Variants in BCL2 observed in about 807,000 individuals in gnomAD.
The protein encoded by BCL2 is BCL2 apoptosis regulator.
A neutral mutation model predicts 14.2 loss-of-function variants in BCL2; 1 was observed. The observed-to-expected ratio is 0.07, with a 90% confidence interval of 0.02 to 0.33. The LOEUF (loss-of-function observed/expected upper bound fraction) is 0.33. Ranked by LOEUF, BCL2 falls within the 10% of genes least tolerant of loss-of-function variation. BCL2 has a pLI of 0.99. For synonymous variants in BCL2, 151 were observed against 137.2 expected (o/e 1.10, Z -0.70); for missense variants, 247 against 305.9 (o/e 0.81, Z 1.44).
At chr18:63,217,217 C>A (rs1216881126) in intron 2 of BCL2, among the ~76,000 whole-genome samples, 1 of 152,196 alleles carries the variant, frequency 6.6e-6, no homozygotes. Flanking sequence ...CTAAACACCA[C>A]GTCATCATGA....
rs527761220 is a variant in BCL2 at position 63,257,983 on chromosome 18, T to C, written c.585+60099A>G. Among the ~76,000 whole-genome samples, 57 of 152,334 alleles carry C rather than the reference T, an allele frequency of 3.7e-4. 1 individual carries two copies. The South Asian group carries it at 9.1e-3, about 24-fold the overall frequency. On this transcript the variant is annotated intron_variant, in intron 2 of 2. Transcript: ENST00000333681. Reference sequence around the variant, plus strand: ...TGTTCAAGTCCCCAGTACCTGTAAATGTGACTTAATTTGGAAACACGGTCT... The same window carrying C: ...TGTTCAAGTCCCCAGTACCTGTAAACGTGACTTAATTTGGAAACACGGTCT...
rs1912881910 is a variant in BCL2 at position 63,299,085 on chromosome 18, T to C, written c.585+18997A>G. Among the ~76,000 whole-genome samples the C allele has an allele frequency of 2.0e-5, 3 of 152,304 alleles. 1 individual carries two copies. The highest frequency in any genetic ancestry group is 4.1e-4 in the South Asian group (2 of 4,822). On this transcript the variant is annotated intron_variant, in intron 2 of 2. Coordinates refer to ENST00000333681, the MANE Select transcript of BCL2 (RefSeq NM_000633.3). Reference sequence around the variant, plus strand: ...TAAAAACACCACCACCTCCCAGTACTGTTGTAAGAAAGAAATACACGAATA... The same window carrying C: ...TAAAAACACCACCACCTCCCAGTACCGTTGTAAGAAAGAAATACACGAATA...
At chr18:63,294,319 T>C (rs747238454) in intron 2 of BCL2, among the ~76,000 whole-genome samples, 17 of 152,170 alleles carry the variant, frequency 1.1e-4, no homozygotes, top group Non-Finnish European at 2.1e-4. Context: ...TATCTCAAGA[T>C]CCAATAGCTT....
chr18:63,196,363 C>A (rs1410739855), intron 2 of BCL2, among the ~76,000 whole-genome samples: 1 of 152,084 alleles, frequency 6.6e-6, no homozygotes, highest in Non-Finnish European at 1.5e-5. Flanking sequence ...TGTGCAGGCT[C>A]TGAAATGAGA....
At chr18:63,140,489 C>T (rs971946350) in intron 2 of BCL2, among the ~76,000 whole-genome samples, 3 of 152,212 alleles carry the variant, frequency 2.0e-5, no homozygotes, top group African/African-American at 7.2e-5. Flanking sequence ...AGCATTGACA[C>T]ATGCAACAAC....
Position 63,318,003 on chromosome 18 carries a change from C to G in BCL2, c.585+79G>C. ...CCGGCTCCACAGCCTCCCATTGCCC[C>G]AGGAGCCCACCCGCACTCCAACCCC... On this transcript the variant is annotated intron_variant, in intron 2 of 2. Coordinates refer to ENST00000333681, the MANE Select transcript of BCL2 (RefSeq NM_000633.3). The surrounding 1 kb of genome is among the most constrained non-coding windows in gnomAD (Gnocchi z 7.4). 6.5e-7 allele frequency: 1 copy of G among 1,545,622 alleles called. No individual in the cohort carries two copies. Among genetic ancestry groups the G allele is most frequent in the Non-Finnish European group, 8.8e-7 (1 of 1,141,780 alleles).
chr18:63,221,490 T>G (rs918279426), intron 2 of BCL2, among the ~76,000 whole-genome samples: 2 of 152,136 alleles, frequency 1.3e-5, no homozygotes, highest in East Asian at 3.9e-4. Flanking sequence ...GAAATAAAGA[T>G]AAAATTGAAG....
rs1374811943 is a variant in BCL2, at chr18:63,126,605, C to T, written c.*2020G>A. 5 of 228,946 alleles carry T rather than the reference C, an allele frequency of 2.2e-5. No homozygotes were observed. 14.2% of individuals were successfully genotyped at this position (228,946 alleles called of 1,614,324 possible). On this transcript the variant is annotated 3_prime_UTR_variant, in exon 3 of 3. Coordinates refer to ENST00000333681, the MANE Select transcript of BCL2 (RefSeq NM_000633.3). ...TCTGTTGACGTGGAAATGCACATGA[C>T]TTGGTTGAAACAAAGCTCCTCAGTG...
chr18:63,220,976 T>C (rs1253010126), intron 2 of BCL2, among the ~76,000 whole-genome samples: 1 of 152,160 alleles, frequency 6.6e-6, no homozygotes, highest in African/African-American at 2.4e-5. Flanking sequence ...AAATGGTATA[T>C]GTGGCTTTTC....
intron 2 of BCL2, among the ~76,000 whole-genome samples, chr18:63,218,891 A>G (rs1156905656): frequency 6.7e-6 from 1 of 150,042 alleles, no homozygotes; most frequent in Non-Finnish European, 1.5e-5. Flanking sequence ...TCAACTGCCA[A>G]TTCTGAATCT....
chr18:63,232,010 C>G (rs1392514406), intron 2 of BCL2, among the ~76,000 whole-genome samples: 1 of 151,842 alleles, frequency 6.6e-6, no homozygotes, highest in Non-Finnish European at 1.5e-5. Context: ...ATAGAGAGAG[C>G]CCCACACATG....
chr18:63,224,111 C>CAATA (rs1296462583), intron 2 of BCL2, among the ~76,000 whole-genome samples: 1 of 151,774 alleles, frequency 6.6e-6, no homozygotes, highest in Non-Finnish European at 1.5e-5. Context: ...GAAATGAACC[C>CAATA]AATAGATGGG....
chr18:63,134,539 T>C (rs1374338703), intron 2 of BCL2, among the ~76,000 whole-genome samples: 1 of 152,204 alleles, frequency 6.6e-6, no homozygotes, highest in Non-Finnish European at 1.5e-5. Context: ...CTCAGCTCTC[T>C]ATATACTGGG....
chr18:63,214,573 C>T (rs911934290), intron 2 of BCL2, among the ~76,000 whole-genome samples: 4 of 151,616 alleles, frequency 2.6e-5, no homozygotes, highest in African/African-American at 9.7e-5. Flanking sequence ...TATAAAGAAG[C>T]AAATTAAACC....
intron 2 of BCL2, among the ~76,000 whole-genome samples, chr18:63,257,554 A>G (rs887594681): frequency 6.6e-6 from 1 of 152,250 alleles, no homozygotes; most frequent in African/African-American, 2.4e-5. Context: ...TCCTATCAAT[A>G]GAAGCTGTAG....
chr18:63,255,210 T>A (rs1911436783), intron 2 of BCL2, among the ~76,000 whole-genome samples: 1 of 152,232 alleles, frequency 6.6e-6, no homozygotes, highest in Admixed American at 6.5e-5. Context: ...TCACCTTCTC[T>A]AGTTTCATAA....
intron 2 of BCL2, among the ~76,000 whole-genome samples, chr18:63,231,791 A>G (rs1910694397): frequency 6.6e-6 from 1 of 151,852 alleles, no homozygotes; most frequent in Non-Finnish European, 1.5e-5. Flanking sequence ...ATTGAATGAA[A>G]TTCATATAAA....
At chr18:63,234,455 G>A (rs971190181) in intron 2 of BCL2, among the ~76,000 whole-genome samples, 2 of 152,142 alleles carry the variant, frequency 1.3e-5, no homozygotes, top group African/African-American at 4.8e-5. Flanking sequence ...ATTCCATGGT[G>A]TATATGTATC....
rs1568222337 is a variant in BCL2 at position 63,169,284 on chromosome 18, CT to C, written c.586-40526del. Among the ~76,000 whole-genome samples, 8 of 76,510 alleles carry C rather than the reference CT, an allele frequency of 1.0e-4. 1 individual carries two copies. The highest frequency in any genetic ancestry group is 5.8e-4 in the South Asian group (1 of 1,728). The allele number at this position is 76,510 out of a possible 152,430, so 50.2% of individuals were successfully genotyped here. ...TCTTTCTTTCTTTCTTTCTTTCTTT[CT>C]TTCTTTCTTTCTTTCTTTCTTTCTT... On this transcript the variant is annotated intron_variant, in intron 2 of 2. Coordinates refer to ENST00000333681, the MANE Select transcript of BCL2 (RefSeq NM_000633.3).
Sources: gnomAD v4.1 joint callset for allele counts (sites outside exome capture counted in the v4.1 genomes callset) on GRCh38, gnomAD v4.1.1 for gene constraint, Gnocchi (gnomAD v3.1) non-coding constraint, MANE v1.5 for transcripts, NCBI Gene and HGNC (gene_info 2026-07-23, HGNC 2026-07-21) for gene names.